The following VWC2L variants were observed in gnomAD, a reference collection of about 807,000 sequenced individuals.
VWC2L encodes the protein von Willebrand factor C domain-containing protein 2-like.
In VWC2L, 10 loss-of-function variants were observed where a neutral mutation model predicts 21.6. That is an observed-to-expected ratio of 0.46 (90% CI 0.29 to 0.78). The LOEUF (loss-of-function observed/expected upper bound fraction) is 0.78. VWC2L is among the 30% of genes least tolerant of loss of function. The pLI is 0.10. For missense variants in VWC2L, 209 were observed against 277.1 expected, an observed-to-expected ratio of 0.75 and a Z score of 1.74; for synonymous variants, 96 against 94.3, an observed-to-expected ratio of 1.02 and a Z score of -0.10.
intron 3 of VWC2L, among the ~76,000 whole-genome samples, chr2:214,496,214 T>C (rs1688809127): frequency 8.1e-6 from 1 of 123,568 alleles, no homozygotes; most frequent in Admixed American, 7.5e-5. Flanking sequence ...TAATCATAGA[T>C]AAAGTACAAT....
chr2:214,534,768 G>A (rs2105917864), intron 3 of VWC2L, among the ~76,000 whole-genome samples: 1 of 152,260 alleles, frequency 6.6e-6, no homozygotes, highest in East Asian at 1.9e-4. Context: ...ATTATCTCCA[G>A]TGTTAACTCC....
intron 3 of VWC2L, chr2:214,510,222 T>C (rs1689032408): frequency 6.6e-6 from 1 of 152,236 alleles, no homozygotes; most frequent in Non-Finnish European, 1.5e-5. Context: ...AGATGTAAGC[T>C]GAATTGATTA....
intron 3 of VWC2L, among the ~76,000 whole-genome samples, chr2:214,516,882 G>T (rs898637348): frequency 6.6e-6 from 1 of 152,108 alleles, no homozygotes; most frequent in African/African-American, 2.4e-5. Flanking sequence ...AAATGAAAAA[G>T]AAAAATAATA....
rs1213931781 is a variant in VWC2L, at chr2:214,442,776, CA to C, written c.520+6021del. ...AAATGGTATATAAATTGATACAAAC[CA>C]AAGATTGCAAACTAAAAAAATGAAG... is the stretch of plus-strand genomic sequence containing the variant. On this transcript the variant is annotated intron_variant, in intron 3 of 3. Coordinates refer to ENST00000312504, the MANE Select transcript of VWC2L (RefSeq NM_001080500.4). Among the ~76,000 whole-genome samples, 43 of 151,612 alleles carry C rather than the reference CA, an allele frequency of 2.8e-4. 1 individual carries two copies. The highest frequency in any genetic ancestry group is 1.0e-3 in the African/African-American group (43 of 41,344).
intron 3 of VWC2L, among the ~76,000 whole-genome samples, chr2:214,478,424 A>C (rs1688556093): frequency 6.6e-6 from 1 of 151,484 alleles, no homozygotes; most frequent in South Asian, 2.1e-4. Flanking sequence ...GTTTGCAGTG[A>C]GCGGAGATCG....
chr2:214,518,612 C>T (rs1689182254), intron 3 of VWC2L, among the ~76,000 whole-genome samples: 1 of 152,160 alleles, frequency 6.6e-6, no homozygotes, highest in African/African-American at 2.4e-5. Context: ...GGCACTTTCC[C>T]CCTTCCTTGT....
At chr2:214,493,939 T>C (rs562895199) in intron 3 of VWC2L, among the ~76,000 whole-genome samples, 1 of 152,302 alleles carries the variant, frequency 6.6e-6, no homozygotes, top group East Asian at 1.9e-4. Context: ...ATTCACCAAC[T>C]GTCATCTATT....
At chr2:214,492,073 A>T (rs1399960611) in intron 3 of VWC2L, among the ~76,000 whole-genome samples, 1 of 152,250 alleles carries the variant, frequency 6.6e-6, no homozygotes, top group East Asian at 1.9e-4. Context: ...GGCACTGTGA[A>T]TATAACAGAA....
intron 3 of VWC2L, among the ~76,000 whole-genome samples, chr2:214,459,641 T>C (rs1703109793): frequency 6.6e-6 from 1 of 152,172 alleles, no homozygotes; most frequent in South Asian, 2.1e-4. Context: ...TAAGCATTTC[T>C]GTTGGACTGG....
chr2:214,477,326 C>CCATAGCTGTGCATTCA (rs1163877013), intron 3 of VWC2L, among the ~76,000 whole-genome samples: 1 of 152,190 alleles, frequency 6.6e-6, no homozygotes, highest in Non-Finnish European at 1.5e-5. Context: ...TCTCTGGGAG[C>CCATAGCTGTGCATTCA]CATAGCTGTG....
At chr2:214,514,725 G>C (rs1689114125) in intron 3 of VWC2L, among the ~76,000 whole-genome samples, 1 of 152,178 alleles carries the variant, frequency 6.6e-6, no homozygotes, top group Admixed American at 6.5e-5. Context: ...AAGGAGGGCT[G>C]GATCCTGTAA....
At chr2:214,533,385 A>G (rs1300383335) in intron 3 of VWC2L, among the ~76,000 whole-genome samples, 4 of 152,084 alleles carry the variant, frequency 2.6e-5, no homozygotes. Context: ...CGAGGCTGCT[A>G]GTATTAAACA....
At chr2:214,530,765 A>G (rs1033776771) in intron 3 of VWC2L, among the ~76,000 whole-genome samples, 8 of 152,156 alleles carry the variant, frequency 5.3e-5, no homozygotes, top group Non-Finnish European at 1.2e-4. Context: ...CGAGTTAATA[A>G]TGTATACTTA....
chr2:214,512,392 G>A (rs1689070170), intron 3 of VWC2L, among the ~76,000 whole-genome samples: 1 of 152,096 alleles, frequency 6.6e-6, no homozygotes, highest in South Asian at 2.1e-4. Context: ...AACACACACT[G>A]GGGCCTGTTG....
chr2:214,537,844 C>A (rs540452445), intron 3 of VWC2L, among the ~76,000 whole-genome samples: 1 of 150,862 alleles, frequency 6.6e-6, no homozygotes. Context: ...TTAAGCCAAT[C>A]CATAAAACCA....
intron 2 of VWC2L, among the ~76,000 whole-genome samples, chr2:214,432,881 G>C (rs570951870): frequency 2.0e-5 from 3 of 152,142 alleles, no homozygotes; most frequent in East Asian, 3.9e-4. Context: ...AATTAGCCAG[G>C]CATGGTGGCA....
At chr2:214,439,964 T>C (rs1423900469) in intron 3 of VWC2L, among the ~76,000 whole-genome samples, 1 of 151,926 alleles carries the variant, frequency 6.6e-6, no homozygotes, top group Admixed American at 6.6e-5. Context: ...GTACCATGTC[T>C]TTATTCTTGA....
intron 3 of VWC2L, among the ~76,000 whole-genome samples, chr2:214,508,481 CAT>C (rs1368740845): frequency 6.6e-6 from 1 of 152,166 alleles, no homozygotes; most frequent in East Asian, 1.9e-4. Context: ...AAGCTTTGCT[CAT>C]AGGATGATTC....
intron 3 of VWC2L, among the ~76,000 whole-genome samples, chr2:214,562,409 T>A (rs1689991069): frequency 6.6e-6 from 1 of 152,240 alleles, no homozygotes; most frequent in Admixed American, 6.5e-5. Flanking sequence ...GGCATTTAGG[T>A]TGATTCCCTA....
Sources: allele counts gnomAD v4.1 joint callset (sites outside exome capture counted in the v4.1 genomes callset), GRCh38; gene constraint gnomAD v4.1.1; transcripts MANE v1.5; gene names NCBI Gene and HGNC (gene_info 2026-07-23, HGNC 2026-07-21).